The following SCN11A variants were observed in gnomAD, a reference collection of about 807,000 sequenced individuals.
SCN11A encodes the protein sodium voltage-gated channel alpha subunit 11, also known as sodium channel protein type 11 subunit alpha.
SCN11A carries 122 observed loss-of-function variants against 162.2 expected under a neutral mutation model. That is an observed-to-expected ratio of 0.75 (90% CI 0.65 to 0.87). The LOEUF (loss-of-function observed/expected upper bound fraction) is 0.87, where lower values mean the gene tolerates loss of function less well. SCN11A is among the 40% of genes least tolerant of loss of function. The pLI is 0.00. For missense variants in SCN11A, 2,015 were observed against 2,181.6 expected, an observed-to-expected ratio of 0.92 and a Z score of 1.52; for synonymous variants, 758 against 751.5, an observed-to-expected ratio of 1.01 and a Z score of -0.14.
chr3:39,009,607 A>C (rs2125601941), intron 2 of SCN11A, among the ~76,000 whole-genome samples: 1 of 147,008 alleles, frequency 6.8e-6, no homozygotes, highest in Middle Eastern at 3.4e-3. Flanking sequence ...AGTTGAACAG[A>C]AAAGGAAAAC....
intron 10 of SCN11A, among the ~76,000 whole-genome samples, chr3:38,920,707 C>A (rs904432597): frequency 6.3e-5 from 9 of 142,886 alleles, no homozygotes; most frequent in Non-Finnish European, 1.1e-4. Context: ...AAAAAAAAGA[C>A]GTGTCATTGG....
At chr3:38,887,096 C>T (rs570143959) in intron 19 of SCN11A, among the ~76,000 whole-genome samples, 2 of 152,202 alleles carry the variant, frequency 1.3e-5, no homozygotes, top group East Asian at 3.9e-4. Context: ...TACCTAAATG[C>T]TTTTTAAGTA....
intron 17 of SCN11A, among the ~76,000 whole-genome samples, chr3:38,897,692 G>A (rs1420773677): frequency 4.0e-5 from 6 of 150,224 alleles, no homozygotes; most frequent in Admixed American, 4.0e-4. Flanking sequence ...CTCCAGCCTG[G>A]AGACAGAGCA....
At chr3:38,850,116 T>C (rs2064750331) in intron 29 of SCN11A, 1 of 176,206 alleles carries the variant, frequency 5.7e-6, no homozygotes, top group Non-Finnish European at 1.2e-5. Flanking sequence ...AACTAAAAAA[T>C]GCTCATAGGG....
At chr3:38,865,948 T>C (rs1259998415) in intron 27 of SCN11A, among the ~76,000 whole-genome samples, 1 of 152,208 alleles carries the variant, frequency 6.6e-6, no homozygotes. Flanking sequence ...TGCATTTTCA[T>C]ATTCTGCAGA....
At chr3:38,871,890 T>C (rs2065133072) in intron 24 of SCN11A, among the ~76,000 whole-genome samples, 182 bp from the exon 25 acceptor site, 1 of 152,148 alleles carries the variant, frequency 6.6e-6, no homozygotes, top group Admixed American at 6.6e-5. Context: ...TAATGGGTCC[T>C]CTCTGTTGCC....
chr3:38,971,590 C>T (rs2125587210), intron 2 of SCN11A, among the ~76,000 whole-genome samples: 2 of 152,296 alleles, frequency 1.3e-5, no homozygotes, highest in Middle Eastern at 6.8e-3. Context: ...TTTCCAAATC[C>T]ACACCAACAT....
chr3:38,974,459 G>A (rs937660850), intron 2 of SCN11A, among the ~76,000 whole-genome samples: 10 of 152,144 alleles, frequency 6.6e-5, no homozygotes, highest in South Asian at 6.2e-4. Context: ...ACTTTGGGAG[G>A]CCGAGGCGGG....
chr3:38,955,855 T>C (rs1243507238), intron 3 of SCN11A, among the ~76,000 whole-genome samples: 4 of 151,938 alleles, frequency 2.6e-5, no homozygotes, highest in African/African-American at 9.7e-5. Flanking sequence ...AACCGAAGAG[T>C]GCAATAAAAT....
chr3:38,895,455 G>A lies in SCN11A; in HGVS notation c.2404-491C>T, dbSNP rs2065580676. The stretch of plus-strand genomic sequence containing the variant: ...TGCCCTAACCTTAGTAACGTACTGG[G>A]GCCAAGCCAAGCGAGTTGGACCAAA... On this transcript the variant is annotated intron_variant, in intron 18 of 29. Transcript: ENST00000302328. Among the ~76,000 whole-genome samples, 2 of 152,118 alleles carry A rather than the reference G, an allele frequency of 1.3e-5. 1 individual carries two copies. The highest frequency in any genetic ancestry group is 4.2e-4 in the South Asian group (2 of 4,816).
intron 23 of SCN11A, among the ~76,000 whole-genome samples, chr3:38,874,290 T>C (rs1042854275): frequency 6.6e-6 from 1 of 152,158 alleles, no homozygotes; most frequent in African/African-American, 2.4e-5. Context: ...AATATCGATG[T>C]TATCCAACTT....
intron 1 of SCN11A, among the ~76,000 whole-genome samples, chr3:39,036,825 C>G (rs546386852): frequency 6.6e-6 from 1 of 152,198 alleles, no homozygotes; most frequent in South Asian, 2.1e-4. Context: ...AAAAGACAGG[C>G]AATAACAAAT....
chr3:39,050,556 C>A (rs904347525), intron 1 of SCN11A, among the ~76,000 whole-genome samples: 3 of 152,078 alleles, frequency 2.0e-5, no homozygotes, highest in Admixed American at 6.6e-5. Context: ...TTTCTGCCAT[C>A]ACAATTTTTA....
chr3:38,873,246 A>G (rs903532588), intron 23 of SCN11A, among the ~76,000 whole-genome samples: 11 of 152,126 alleles, frequency 7.2e-5, no homozygotes, highest in African/African-American at 2.7e-4. Flanking sequence ...AGCCATTCTT[A>G]TTATGGAGAG....
chr3:39,016,427 T>C (rs2031290701), intron 2 of SCN11A, among the ~76,000 whole-genome samples: 1 of 152,162 alleles, frequency 6.6e-6, no homozygotes, highest in Non-Finnish European at 1.5e-5. Flanking sequence ...CAATTTCTGA[T>C]GTTTATTCCT....
At chr3:38,930,224 G>A (rs2066220446) in intron 7 of SCN11A, among the ~76,000 whole-genome samples, 1 of 152,168 alleles carries the variant, frequency 6.6e-6, no homozygotes, top group Non-Finnish European at 1.5e-5. Flanking sequence ...AGCCCTGAAA[G>A]CTAAAGAACA....
Position 38,940,481 on chromosome 3 carries a change from A to G in SCN11A, c.488+4930T>C, listed in dbSNP as rs185663155. The stretch of plus-strand genomic sequence containing the variant: ...AAAAAGTGTGGTTCTGGCATATGAA[A>G]ACGCAGACCAATGGAAGAGAAAAGA... On this transcript the variant is annotated intron_variant, in intron 7 of 29. Transcript: ENST00000302328. 2.6e-5 allele frequency among the ~76,000 whole-genome samples: 4 copies of G among 152,340 alleles called. No individual in the cohort carries two copies. The East Asian group carries it at 7.7e-4, about 29-fold the overall frequency.
At chr3:38,888,694 C>T (rs2065442743) in intron 19 of SCN11A, among the ~76,000 whole-genome samples, 1 of 152,156 alleles carries the variant, frequency 6.6e-6, no homozygotes, top group Non-Finnish European at 1.5e-5. Flanking sequence ...TTTAAAGTCT[C>T]TAGAAATTAT....
chr3:39,011,772 G>A (rs532764169), intron 2 of SCN11A, among the ~76,000 whole-genome samples: 1 of 152,206 alleles, frequency 6.6e-6, no homozygotes, highest in African/African-American at 2.4e-5. Context: ...TCCTAAAAAT[G>A]GTCCCTGCTC....
Sources: gnomAD v4.1 joint callset for allele counts (sites outside exome capture counted in the v4.1 genomes callset) on GRCh38, gnomAD v4.1.1 for gene constraint, MANE v1.5 for transcripts, NCBI Gene and HGNC (gene_info 2026-07-23, HGNC 2026-07-21) for gene names.